Variants in PDE11A observed in about 807,000 individuals in gnomAD.
The protein encoded by PDE11A is phosphodiesterase 11A.
PDE11A carries 100 observed loss-of-function variants against 100.5 expected under a neutral mutation model. That is an observed-to-expected ratio of 1.00 (90% CI 0.85 to 1.18). The LOEUF is 1.18. Ranked by LOEUF, PDE11A falls within the 50% of genes most tolerant of loss-of-function variation. The pLI is 0.00. For synonymous variants in PDE11A, 381 were observed against 420.8 expected, an observed-to-expected ratio of 0.91 and a Z score of 1.16; for missense variants, 1,141 against 1,152.6, an observed-to-expected ratio of 0.99 and a Z score of 0.15.
intron 6 of PDE11A, among the ~76,000 whole-genome samples, chr2:177,826,986 T>C (rs548772844): frequency 1.3e-5 from 2 of 152,320 alleles, no homozygotes; most frequent in African/African-American, 2.4e-5. Flanking sequence ...GAAGCATAAC[T>C]GATAGACCAG....
intron 2 of PDE11A, among the ~76,000 whole-genome samples, chr2:178,004,767 C>T (rs556875350): frequency 7.4e-5 from 10 of 135,730 alleles, no homozygotes; most frequent in Non-Finnish European, 1.1e-4. Flanking sequence ...GCTCTCCTTA[C>T]CCCCCAAACT....
At chr2:178,036,401 T>A (rs34327803) in intron 1 of PDE11A, among the ~76,000 whole-genome samples, 15,228 of 152,214 alleles carry the variant, frequency 0.1, 1,049 homozygotes, top group Non-Finnish European at 0.15. Flanking sequence ...AAAAATTCCA[T>A]GCTCATGGAT....
At chr2:177,783,867 A>C (rs1424981275) in intron 9 of PDE11A, among the ~76,000 whole-genome samples, 2 of 152,194 alleles carry the variant, frequency 1.3e-5, no homozygotes, top group African/African-American at 4.8e-5. Flanking sequence ...TCATTTAAAA[A>C]ATTATTTGTT....
intron 7 of PDE11A, 65 bp downstream of exon 7, chr2:177,820,155 G>T: frequency 1.2e-6 from 1 of 865,264 alleles, no homozygotes; most frequent in Non-Finnish European, 2.0e-6. Context: ...AAAGATATGG[G>T]AATATTTTAA....
At chr2:178,104,597 C>T in intron 1 of PDE11A, 1 of 788,138 alleles carries the variant, frequency 1.3e-6, no homozygotes, top group Non-Finnish European at 2.1e-6. Flanking sequence ...TAAACAAAAA[C>T]ATATCCTTTA....
At chr2:178,067,538 A>G (rs2087063806) in intron 1 of PDE11A, among the ~76,000 whole-genome samples, 1 of 152,174 alleles carries the variant, frequency 6.6e-6, no homozygotes, top group Non-Finnish European at 1.5e-5. Context: ...TTGGACTTGG[A>G]ATCACTTCTC....
chr2:178,031,135 T>A (rs2086542260), intron 1 of PDE11A, among the ~76,000 whole-genome samples: 1 of 152,156 alleles, frequency 6.6e-6, no homozygotes, highest in South Asian at 2.1e-4. Flanking sequence ...CTTATTATTT[T>A]AAAAATAACA....
At chr2:177,930,178 T>C (rs1195779646) in intron 2 of PDE11A, among the ~76,000 whole-genome samples, 2 of 152,204 alleles carry the variant, frequency 1.3e-5, no homozygotes, top group African/African-American at 2.4e-5. Context: ...ATTCATAAAG[T>C]GACTAGTGTT....
chr2:177,823,643 C>T (rs969356411), intron 6 of PDE11A, among the ~76,000 whole-genome samples: 3 of 152,042 alleles, frequency 2.0e-5, no homozygotes, highest in Admixed American at 1.3e-4. Context: ...AAGTTATCTT[C>T]CAAAAAAACA....
At chr2:177,957,066 A>G (rs2085574005) in intron 2 of PDE11A, among the ~76,000 whole-genome samples, 1 of 152,036 alleles carries the variant, frequency 6.6e-6, no homozygotes, top group South Asian at 2.1e-4. Flanking sequence ...ATAAAATAAA[A>G]AAAAAGAAAA....
intron 2 of PDE11A, among the ~76,000 whole-genome samples, chr2:177,943,589 T>C (rs1029083248): frequency 6.6e-6 from 1 of 152,224 alleles, no homozygotes; most frequent in Non-Finnish European, 1.5e-5. Flanking sequence ...GTTTTTGTTA[T>C]TGTTGGGTTT....
intron 5 of PDE11A, among the ~76,000 whole-genome samples, chr2:177,848,056 G>A (rs576623185): frequency 6.6e-6 from 1 of 151,962 alleles, no homozygotes; most frequent in Admixed American, 6.6e-5. Flanking sequence ...AGAAAAAATG[G>A]CATAGAATTC....
At chr2:177,824,391 T>C (rs897638104) in intron 6 of PDE11A, among the ~76,000 whole-genome samples, 3 of 152,178 alleles carry the variant, frequency 2.0e-5, no homozygotes, top group Non-Finnish European at 2.9e-5. Flanking sequence ...AACTGAACTT[T>C]GGGGAACACA....
intron 9 of PDE11A, among the ~76,000 whole-genome samples, chr2:177,800,123 G>C (rs1432337938): frequency 6.6e-6 from 1 of 150,544 alleles, no homozygotes. Context: ...AATAGTCTCA[G>C]AACAAAGGTT....
intron 9 of PDE11A, among the ~76,000 whole-genome samples, chr2:177,807,307 A>C (rs1574162153): frequency 6.6e-6 from 1 of 152,248 alleles, no homozygotes; most frequent in African/African-American, 2.4e-5. Context: ...ATGATAAGGT[A>C]GTTAGCTTTA....
Position 177,628,259 on chromosome 2 carries a change from A to G in PDE11A, c.*1148T>C, listed in dbSNP as rs1411918051. 6.5e-6 allele frequency: 1 copy of G among 152,690 alleles called. No homozygotes were observed. Among genetic ancestry groups the G allele is most frequent in the Non-Finnish European group, 1.5e-5 (1 of 68,048 alleles). The allele number at this position is 152,690 out of a possible 1,614,324, so 9.5% of individuals were successfully genotyped here. A position where few individuals can be genotyped will look rare whatever the true frequency, so the allele number is the denominator to read the frequency against. ...ATGCCAAAGCTAAGGATAGAAATCT[A>G]TCTTCTAGCCCAATGTTCTTTGGAT... On this transcript the variant is annotated 3_prime_UTR_variant, in exon 20 of 20. Coordinates refer to ENST00000286063, the MANE Select transcript of PDE11A (RefSeq NM_016953.4).
intron 5 of PDE11A, among the ~76,000 whole-genome samples, chr2:177,866,929 T>C (rs182505926): frequency 1.9e-4 from 29 of 152,352 alleles, no homozygotes; most frequent in Non-Finnish European, 3.8e-4. Flanking sequence ...TTTCACACTT[T>C]GGGACACTGC....
chr2:178,003,582 G>A (rs1286396160), intron 2 of PDE11A, among the ~76,000 whole-genome samples: 1 of 152,120 alleles, frequency 6.6e-6, no homozygotes, highest in African/African-American at 2.4e-5. Context: ...AGAGCTGGGG[G>A]AAATGGGGAG....
At chr2:177,780,316 C>G (rs1229932134) in intron 9 of PDE11A, among the ~76,000 whole-genome samples, 2 of 152,128 alleles carry the variant, frequency 1.3e-5, no homozygotes, top group African/African-American at 4.8e-5. Flanking sequence ...GAAATCCTGA[C>G]CTCAAGTGAT....
Sources: allele counts gnomAD v4.1 joint callset (sites outside exome capture counted in the v4.1 genomes callset), GRCh38; gene constraint gnomAD v4.1.1; transcripts MANE v1.5; gene names NCBI Gene and HGNC (gene_info 2026-07-23, HGNC 2026-07-21).